CTTNBP2NL: variants seen among roughly 807,000 people sequenced by gnomAD.
The protein encoded by CTTNBP2NL is CTTNBP2 N-terminal-like protein.
A neutral mutation model predicts 32.5 loss-of-function variants in CTTNBP2NL; 16 were observed. The ratio of observed to expected loss-of-function variants is 0.49; its 90% CI spans 0.33 to 0.75. CTTNBP2NL has a LOEUF of 0.75. CTTNBP2NL is among the 30% of genes least tolerant of loss of function. The probability of loss-of-function intolerance (pLI) is 0.02; values close to 1 mark genes in which losing one functional copy is unlikely to be tolerated. For synonymous variants in CTTNBP2NL, 298 were observed against 289.4 expected (o/e 1.03, Z -0.30); for missense variants, 645 against 756.0 (o/e 0.85, Z 1.72).
At chr1:112,398,252 CTGTT>C (rs1018018999) in intron 1 of CTTNBP2NL, among the ~76,000 whole-genome samples, 9 of 152,310 alleles carry the variant, frequency 5.9e-5, no homozygotes, top group African/African-American at 2.2e-4. Context: ...TAAGCAAGAT[CTGTT>C]TGTTACACTT....
chr1:112,431,873 C>A (rs1396566490), intron 3 of CTTNBP2NL, among the ~76,000 whole-genome samples: 1 of 151,878 alleles, frequency 6.6e-6, no homozygotes, highest in African/African-American at 2.4e-5. Flanking sequence ...GCTGGGCACA[C>A]AGGATCACTT....
intron 3 of CTTNBP2NL, among the ~76,000 whole-genome samples, chr1:112,430,180 T>TCTTTA (rs1649519932): frequency 1.3e-4 from 11 of 82,270 alleles, no homozygotes; most frequent in African/African-American, 4.0e-4. Flanking sequence ...TCTTTTCTTT[T>TCTTTA]CTTTTCTTTT....
At position 112,444,340 on chromosome 1, in the gene CTTNBP2NL, A is replaced by G. The variant is rs374186815; in HGVS notation, c.100-4602A>G. Among the ~76,000 whole-genome samples, 81 of 152,352 alleles carry G rather than the reference A, an allele frequency of 5.3e-4. 2 individuals are homozygous for G. In the South Asian group the frequency reaches 0.014, roughly 27 times the overall value. On this transcript the variant is annotated intron_variant, in intron 3 of 5. Transcript: ENST00000271277. ...GAAGTGGAGAGGAGGTGACTACTTC[A>G]TATTTCCTTTTGAAGTTAGGAATAA...
intron 3 of CTTNBP2NL, among the ~76,000 whole-genome samples, chr1:112,443,880 G>T (rs1225674881): frequency 6.6e-6 from 1 of 152,060 alleles, no homozygotes; most frequent in Non-Finnish European, 1.5e-5. Context: ...AGTTGCTCAG[G>T]TTGCTATAAA....
chr1:112,400,724 G>C (rs894779021), intron 1 of CTTNBP2NL, among the ~76,000 whole-genome samples: 3 of 152,060 alleles, frequency 2.0e-5, no homozygotes, highest in Non-Finnish European at 4.4e-5. Flanking sequence ...CCCGGGAGAC[G>C]GAGGTTGCAG....
At chr1:112,438,975 A>G (rs551213697) in intron 3 of CTTNBP2NL, among the ~76,000 whole-genome samples, 17 of 152,296 alleles carry the variant, frequency 1.1e-4, no homozygotes, top group Admixed American at 8.5e-4. Context: ...GTCCCAATCT[A>G]TCTATTTGAC....
chr1:112,420,437 C>T (rs1036880273), intron 3 of CTTNBP2NL, among the ~76,000 whole-genome samples: 1 of 151,978 alleles, frequency 6.6e-6, no homozygotes, highest in African/African-American at 2.4e-5. Flanking sequence ...GCCACCACAC[C>T]CAGCCTGGAG....
In CTTNBP2NL at chr1:112,448,998, T is replaced by A; in HGVS notation, c.156T>A (p.Asp52Glu). The A allele has an allele frequency of 6.2e-7, 1 of 1,613,648 alleles. No individual in the cohort carries two copies. The highest frequency in any genetic ancestry group is 8.5e-7 in the Non-Finnish European group (1 of 1,179,534). The change falls in exon 4 of 6, where the codon GAT becomes GAA. Residue 52 changes from aspartate (D) to glutamate (E), a missense_variant. Asp to Glu is a conservative substitution (Grantham distance 45, BLOSUM62 2). Coordinates refer to ENST00000271277, the MANE Select transcript of CTTNBP2NL (RefSeq NM_018704.3). The stretch of plus-strand genomic sequence containing the variant: ...GCTATGGAAAATATAACATCAGTGA[T>A]CCTTTAATGGCTCTACAGAGAGATT... ...EERYGKYNISDPLMALQRDFE... is the reference protein window; with the variant it reads ...EERYGKYNISEPLMALQRDFE...
chr1:112,434,805 T>G (rs115991921), intron 3 of CTTNBP2NL, among the ~76,000 whole-genome samples: 185 of 152,280 alleles, frequency 1.2e-3, no homozygotes, highest in Middle Eastern at 6.8e-3. Context: ...TTTGGAATAC[T>G]GTTTTCCTTT....
chr1:112,407,888 G>C (rs1219419336), intron 1 of CTTNBP2NL, among the ~76,000 whole-genome samples: 1 of 120,014 alleles, frequency 8.3e-6, no homozygotes, highest in Non-Finnish European at 1.6e-5. Flanking sequence ...TGTATTGCCC[G>C]GGCTGGAGTG....
intron 3 of CTTNBP2NL, among the ~76,000 whole-genome samples, chr1:112,425,934 T>TA (rs1027755641): frequency 6.6e-6 from 1 of 150,902 alleles, no homozygotes; most frequent in African/African-American, 2.4e-5. Flanking sequence ...CAGTTTTACT[T>TA]ACTTCTTTCT....
At chr1:112,418,435 T>C (rs1256102390) in intron 3 of CTTNBP2NL, among the ~76,000 whole-genome samples, 1 of 152,132 alleles carries the variant, frequency 6.6e-6, no homozygotes, top group African/African-American at 2.4e-5. Context: ...GGAAAGCCAA[T>C]AGAAAATAAT....
At chr1:112,423,116 A>C (rs926900932) in intron 3 of CTTNBP2NL, among the ~76,000 whole-genome samples, 1 of 152,152 alleles carries the variant, frequency 6.6e-6, no homozygotes, top group African/African-American at 2.4e-5. Context: ...TGGTGCATGC[A>C]GTATCTGTTA....
chr1:112,432,623 T>A (rs1649601102), intron 3 of CTTNBP2NL, among the ~76,000 whole-genome samples: 1 of 152,066 alleles, frequency 6.6e-6, no homozygotes, highest in Non-Finnish European at 1.5e-5. Context: ...TGATCTTATC[T>A]TTACCCTGTT....
chr1:112,443,868 C>G (rs1291784393), intron 3 of CTTNBP2NL, among the ~76,000 whole-genome samples: 1 of 152,130 alleles, frequency 6.6e-6, no homozygotes, highest in Non-Finnish European at 1.5e-5. Context: ...TGCTTTATTT[C>G]CAGTTGCTCA....
In CTTNBP2NL at chr1:112,419,171, A is replaced by G. The variant is rs563842380; in HGVS notation, c.99+2907A>G. Among the ~76,000 whole-genome samples the G allele has an allele frequency of 2.6e-5, 4 of 152,290 alleles. No homozygotes were observed. The South Asian group carries it at 8.3e-4, about 32-fold the overall frequency. ...ATAGAACTTTGTTGTGTTTGGCCAA[A>G]TGCTGTTGCAAAATCCCCCAAGCAA... On this transcript the variant is annotated intron_variant, in intron 3 of 5. Transcript: ENST00000271277.
intron 3 of CTTNBP2NL, among the ~76,000 whole-genome samples, chr1:112,424,389 T>C (rs1004884252): frequency 2.0e-5 from 3 of 152,260 alleles, no homozygotes; most frequent in Non-Finnish European, 4.4e-5. Context: ...TCTATTTGTC[T>C]ACCTTGATGC....
chr1:112,394,793 G>A (rs1373394960), upstream of CTTNBP2NL, among the ~76,000 whole-genome samples: 1 of 152,132 alleles, frequency 6.6e-6, no homozygotes, highest in Admixed American at 6.5e-5. Context: ...CATAAGTATG[G>A]AGTCATACAT....
upstream of CTTNBP2NL, among the ~76,000 whole-genome samples, chr1:112,393,728 G>A (rs1353655533): frequency 6.6e-6 from 1 of 152,172 alleles, no homozygotes; most frequent in African/African-American, 2.4e-5. Flanking sequence ...TACAAGGCAG[G>A]GATGTTCTCA....
Sources: allele counts gnomAD v4.1 joint callset (sites outside exome capture counted in the v4.1 genomes callset), GRCh38; gene constraint gnomAD v4.1.1; transcripts MANE v1.5; gene names NCBI Gene and HGNC (gene_info 2026-07-23, HGNC 2026-07-21).